The following RNF111 variants were observed in gnomAD, a reference collection of about 807,000 sequenced individuals.
RNF111 encodes the protein E3 ubiquitin-protein ligase Arkadia.
RNF111 carries 17 observed loss-of-function variants against 95.1 expected under a neutral mutation model. That is an observed-to-expected ratio of 0.18 (90% CI 0.12 to 0.27). The LOEUF is 0.27. Ranked by LOEUF, RNF111 falls within the 10% of genes least tolerant of loss-of-function variation. RNF111 has a pLI of 1.00. For missense variants in RNF111, 1,189 were observed against 1,210.4 expected (o/e 0.98, Z 0.26); for synonymous variants, 440 against 414.8 (o/e 1.06, Z -0.74).
chr15:59,074,945 A>G (rs543174474), intron 6 of RNF111, among the ~76,000 whole-genome samples: 29 of 152,338 alleles, frequency 1.9e-4, no homozygotes, highest in Middle Eastern at 3.4e-3. Context: ...TGTCTCAGGG[A>G]ATAGGGAGGC....
chr15:59,091,240 C>A, intron 12 of RNF111, 86 bp downstream of exon 12: 2 of 708,728 alleles, frequency 2.8e-6, no homozygotes, highest in Non-Finnish European at 4.7e-6. Flanking sequence ...TAGACTCTAG[C>A]AATGACATTT....
At chr15:58,994,262 C>T (rs1229848741) in intron 1 of RNF111, among the ~76,000 whole-genome samples, 2 of 151,738 alleles carry the variant, frequency 1.3e-5, no homozygotes, top group African/African-American at 4.8e-5. Context: ...TGGTCTCGAA[C>T]TCCTGACCTC....
At chr15:59,091,419 A>G (rs1225329433) in intron 12 of RNF111, among the ~76,000 whole-genome samples, 1 of 152,176 alleles carries the variant, frequency 6.6e-6, no homozygotes, top group Non-Finnish European at 1.5e-5. Context: ...AATAATGTGC[A>G]TATGTATATA....
chr15:59,064,933 G>A (rs1457176489), intron 5 of RNF111, among the ~76,000 whole-genome samples: 1 of 151,920 alleles, frequency 6.6e-6, no homozygotes, highest in South Asian at 2.1e-4. Context: ...CCCCTACCCA[G>A]GTTCATTTAT....
chr15:59,057,363 A>C (rs985175131), intron 4 of RNF111, among the ~76,000 whole-genome samples: 1 of 152,202 alleles, frequency 6.6e-6, no homozygotes, highest in East Asian at 1.9e-4. Context: ...GCATTTGGAC[A>C]TACTAGCATT....
chr15:59,031,816 T>C, intron 2 of RNF111, 114 bp downstream of exon 2: 1 of 918,314 alleles, frequency 1.1e-6, no homozygotes, highest in Non-Finnish European at 1.6e-6. Context: ...TCTATTAACT[T>C]TTATTTTTAA....
intron 2 of RNF111, among the ~76,000 whole-genome samples, chr15:59,045,576 A>G (rs1470614154): frequency 2.6e-5 from 4 of 152,214 alleles, no homozygotes; most frequent in Non-Finnish European, 4.4e-5. Context: ...GTTGACATAT[A>G]GATATAACTT....
intron 1 of RNF111, among the ~76,000 whole-genome samples, chr15:59,021,963 G>T (rs963070325): frequency 2.6e-5 from 4 of 151,886 alleles, no homozygotes; most frequent in Admixed American, 1.3e-4. Flanking sequence ...AGGTTCAAGC[G>T]ATCCTCCCGC....
chr15:59,052,571 T>A, intron 3 of RNF111, 140 bp downstream of exon 3: 1 of 207,968 alleles, frequency 4.8e-6, no homozygotes, highest in Non-Finnish European at 7.8e-6. Flanking sequence ...ATTAGTGGAT[T>A]TTTTTTTTTT....
chr15:59,028,885 T>C (rs568791105), intron 1 of RNF111, among the ~76,000 whole-genome samples: 37 of 151,996 alleles, frequency 2.4e-4, no homozygotes, highest in Non-Finnish European at 4.7e-4. Flanking sequence ...GTTCAAGCGA[T>C]TCTCATGCTT....
At chr15:59,067,158 CTCTT>C in intron 6 of RNF111, 75 bp downstream of exon 6, 1 of 1,209,630 alleles carries the variant, frequency 8.3e-7, no homozygotes, top group Non-Finnish European at 1.2e-6. Flanking sequence ...CCTTTTCTCT[CTCTT>C]CCTCTTCCTT....
chr15:59,075,833 C>T, intron 6 of RNF111, 121 bp from the exon 7 acceptor site: 1 of 1,069,942 alleles, frequency 9.3e-7, no homozygotes, highest in South Asian at 1.7e-5. Flanking sequence ...TAAGAATCTT[C>T]CTGGTTTCAA....
chr15:59,095,820 A>AT lies in RNF111; in HGVS notation c.*924dup. ...AAAGTTAAGATATCTGCTTACATTG[A>AT]TTTTGTAGACACATTAAGTCAAGAT... On this transcript the variant is annotated 3_prime_UTR_variant, in exon 14 of 14. Transcript: ENST00000348370. 1 of 393,870 alleles carries AT rather than the reference A, an allele frequency of 2.5e-6. No homozygotes were observed. Among genetic ancestry groups the AT allele is most frequent in the Admixed American group, 4.4e-5 (1 of 22,638 alleles). 24.4% of individuals were successfully genotyped at this position (393,870 alleles called of 1,614,324 possible). A position where few individuals can be genotyped will look rare whatever the true frequency, so the allele number is the denominator to read the frequency against.
chr15:59,041,119 C>T (rs556028041), intron 2 of RNF111, among the ~76,000 whole-genome samples: 20 of 152,138 alleles, frequency 1.3e-4, no homozygotes, highest in African/African-American at 4.1e-4. Flanking sequence ...TATATATCTC[C>T]GTATATCTCA....
At chr15:59,050,066 CTT>C (rs199954505) in intron 2 of RNF111, among the ~76,000 whole-genome samples, 2 of 138,164 alleles carry the variant, frequency 1.4e-5, no homozygotes, top group South Asian at 2.3e-4. Flanking sequence ...TTTTCTTTTT[CTT>C]TTTTTTTTTG....
At chr15:59,028,178 A>G (rs1347811103) in intron 1 of RNF111, among the ~76,000 whole-genome samples, 1 of 152,184 alleles carries the variant, frequency 6.6e-6, no homozygotes, top group Non-Finnish European at 1.5e-5. Flanking sequence ...AGCCCTAGGT[A>G]ACCACATTCT....
chr15:58,987,717 AGCGGCG>A lies in RNF111; in HGVS notation c.-362_-357del. Reference sequence around the variant, plus strand: ...ATTGGTTAGGCGGCGGCGGCGGCGAAGCGGCGGCGGCGGCTGTAGGGGAGCAGCGGC... The same window carrying A: ...ATTGGTTAGGCGGCGGCGGCGGCGAAGCGGCGGCTGTAGGGGAGCAGCGGC... On this transcript the variant is annotated 5_prime_UTR_variant, in exon 1 of 14. Coordinates refer to ENST00000348370, the MANE Select transcript of RNF111 (RefSeq NM_017610.8). The A allele has an allele frequency of 5.6e-6, 1 of 179,504 alleles. No individual in the cohort carries two copies. The allele number at this position is 179,504 out of a possible 1,614,324, so 11.1% of individuals were successfully genotyped here.
intron 8 of RNF111, among the ~76,000 whole-genome samples, chr15:59,083,324 G>A (rs1385430259): frequency 6.6e-6 from 1 of 152,084 alleles, no homozygotes; most frequent in African/African-American, 2.4e-5. Context: ...AAGGTGGGCA[G>A]ATCACAAGGT....
intron 3 of RNF111, among the ~76,000 whole-genome samples, chr15:59,054,162 C>G (rs1454041587): frequency 6.6e-6 from 1 of 152,144 alleles, no homozygotes; most frequent in African/African-American, 2.4e-5. Flanking sequence ...TGGTCTCGAA[C>G]TCCTGACCTT....
Sources: gnomAD v4.1 joint callset for allele counts (sites outside exome capture counted in the v4.1 genomes callset) on GRCh38, gnomAD v4.1.1 for gene constraint, MANE v1.5 for transcripts, NCBI Gene and HGNC (gene_info 2026-07-23, HGNC 2026-07-21) for gene names.